Variants in DNHD1 observed in about 807,000 individuals in gnomAD.
DNHD1 encodes the protein dynein heavy chain domain-containing protein 1.
In DNHD1, 383 loss-of-function variants were observed where a neutral mutation model predicts 458.1. The ratio of observed to expected loss-of-function variants is 0.84; its 90% CI spans 0.77 to 0.91. DNHD1 has a LOEUF of 0.91. DNHD1 is among the 40% of genes least tolerant of loss of function. The probability of loss-of-function intolerance (pLI) is 0.00; values close to 1 mark genes in which losing one functional copy is unlikely to be tolerated. For missense variants in DNHD1, 5,336 were observed against 5,866.1 expected (o/e 0.91, Z 2.95); for synonymous variants, 2,203 against 2,376.9 (o/e 0.93, Z 2.13).
chr11:6,528,592 T>TCACA lies in DNHD1; in HGVS notation c.1908_1909insCACA (p.Val637HisfsTer42). 1.9e-6 allele frequency: 3 copies of TCACA among 1,551,758 alleles called. No homozygotes were observed. Among genetic ancestry groups the TCACA allele is most frequent in the Non-Finnish European group, 2.6e-6 (3 of 1,147,002 alleles). The stretch of plus-strand genomic sequence containing the variant: ...AGTTCCAGGGCCAGCCCAGCGATGC[T>TCACA]GTGAGCATCTTCTGTGGCCCGAATG... On this transcript the variant is annotated frameshift_variant, in exon 11 of 43. Coordinates refer to ENST00000254579, the MANE Select transcript of DNHD1 (RefSeq NM_144666.3). LOFTEE classifies it high-confidence loss of function.
In DNHD1 at chr11:6,566,248, T is replaced by C; in HGVS notation, c.11061T>C (p.Pro3687=). The C allele has an allele frequency of 1.3e-6, 2 of 1,551,580 alleles. No individual in the cohort carries two copies. The highest frequency in any genetic ancestry group is 1.7e-6 in the Non-Finnish European group (2 of 1,146,936). ...TTTGCCTCCCTCTCACAGGCCTGCC[T>C]GTGTTACTGACCAATGTGGAGCTGG... ...QLQEAAACGL[P]VLLTNVELGL... is the part of the protein sequence containing the mutation. The change falls in exon 34 of 43, where the codon CCT becomes CCC. Residue 3687 remains proline, a synonymous_variant. Transcript: ENST00000254579.
At position 6,557,885 on chromosome 11, in the gene DNHD1, C is replaced by A. The variant is rs780788231; in HGVS notation, c.8590C>A (p.Arg2864=). Reference sequence around the variant, plus strand: ...ACTGAAGTTGAGCCCCCACCTGGCCCGGTGTCATTCCATGGCCCAGCACGT... The same window carrying A: ...ACTGAAGTTGAGCCCCCACCTGGCCAGGTGTCATTCCATGGCCCAGCACGT... The part of the protein sequence containing the change: ...AQLKLSPHLA[R]CHSMAQHVAR... The change falls in exon 25 of 43, where the codon CGG becomes AGG. Residue 2864 remains arginine, a synonymous_variant. Coordinates refer to ENST00000254579, the MANE Select transcript of DNHD1 (RefSeq NM_144666.3). The A allele has an allele frequency of 8.4e-6, 13 of 1,550,924 alleles. No homozygotes were observed. Among genetic ancestry groups the A allele is most frequent in the Non-Finnish European group, 8.7e-6 (10 of 1,146,958 alleles).
At chr11:6,518,548 G>T (rs1392206207) in intron 7 of DNHD1, among the ~76,000 whole-genome samples, 1 of 152,086 alleles carries the variant, frequency 6.6e-6, no homozygotes, top group Non-Finnish European at 1.5e-5. Flanking sequence ...ATTTACTGTG[G>T]AACTACCCCA....
At position 6,546,890 on chromosome 11, in the gene DNHD1, G is replaced by A. The variant is rs780713406; in HGVS notation, c.5951G>A (p.Arg1984Gln). The A allele has an allele frequency of 1.7e-4, 258 of 1,551,608 alleles. No individual in the cohort carries two copies. The highest frequency in any genetic ancestry group is 2.4e-4 in the Admixed American group (12 of 50,988). The change falls in exon 21 of 43, where the codon CGG (arginine) becomes CAG (glutamine). Residue 1984 changes from arginine (R) to glutamine (Q), a missense_variant. Physicochemically the swap from Arg to Gln is conservative, Grantham distance 43 (BLOSUM62 1). Transcript: ENST00000254579. ...GAACAGTTGAGCCAGGCCCTGAGCC[G>A]GGCCTCAGGCATTCTGCTCCTGGGC... ...SLEQLSQALS[R>Q]ASGILLLGPA...
chr11:6,544,116 C>G lies in DNHD1; in HGVS notation c.3629-5C>G. The G allele has an allele frequency of 6.4e-7, 1 of 1,551,468 alleles. No homozygotes were observed. ...TGACTGCCAGTTCAGCTTTTTCTGT[C>G]TTAGATTACAGCAACCTGCAGGATT... On this transcript the variant is annotated splice_region_variant and splice_polypyrimidine_tract_variant and intron_variant, in intron 18 of 42. Transcript: ENST00000254579.
chr11:6,519,988 C>G lies in DNHD1; in HGVS notation c.1671C>G (p.Leu557=), dbSNP rs1008185209. Residue 557 remains leucine, a synonymous_variant, in exon 9 of 43, where the codon CTC becomes CTG. Transcript: ENST00000254579. Reference sequence around the variant, plus strand: ...AGGCCCCAAGGCAGAAACCCTTTCTCTCATCACAGCTGGTCTTTGATGATC... The same window carrying G: ...AGGCCCCAAGGCAGAAACCCTTTCTGTCATCACAGCTGGTCTTTGATGATC... ...ILQAPRQKPF[L]SSQLVFDDHG... is the part of the protein sequence containing the mutation. 5.6e-6 allele frequency: 9 copies of G among 1,614,064 alleles called. No homozygotes were observed. The highest frequency in any genetic ancestry group is 4.0e-5 in the African/African-American group (3 of 74,910).
rs781391351 is a variant in DNHD1 at position 6,557,778 on chromosome 11, G to A, written c.8483G>A (p.Gly2828Glu). 2 of 1,551,556 alleles carry A rather than the reference G, an allele frequency of 1.3e-6. No homozygotes were observed. Among genetic ancestry groups the A allele is most frequent in the East Asian group, 2.4e-5 (1 of 40,906 alleles). ...GTCTTCAGTCAGGAGCTGATACTGG[G>A]GCCTAACTCTGAGACCCCCAACTTG... ...DLVFSQELIL[G>E]PNSETPNLYL... The change falls in exon 25 of 43, where the codon GGG becomes GAG. Residue 2828 changes from glycine (G) to glutamate (E), a missense_variant. Transcript: ENST00000254579.
rs1354459273 is a variant in DNHD1, at chr11:6,502,817, C to T, written c.811C>T (p.Pro271Ser). The change falls in exon 4 of 43, where the codon CCT (proline) becomes TCT (serine). Residue 271 changes from proline to serine, a missense_variant. Coordinates refer to ENST00000254579, the MANE Select transcript of DNHD1 (RefSeq NM_144666.3). ...CCAAAAGAGCAGCACCGGCTTTTCA[C>T]CTGAGACTTCCTTCCTGGATAGCCA... ...AFQKSSTGFS[P>S]ETSFLDSQVM... 6.2e-7 allele frequency: 1 copy of T among 1,613,028 alleles called. No individual in the cohort carries two copies. The highest frequency in any genetic ancestry group is 1.1e-5 in the South Asian group (1 of 90,794).
chr11:6,527,817 C>T (rs763190280), intron 10 of DNHD1, among the ~76,000 whole-genome samples: 19 of 152,208 alleles, frequency 1.2e-4, no homozygotes, highest in African/African-American at 2.2e-4. Context: ...TTATTTTGTG[C>T]GAAGTTTTAA....
chr11:6,563,787 T>G lies in DNHD1; in HGVS notation c.9947T>G (p.Leu3316Arg). Reference sequence around the variant, plus strand: ...GCTCCAGGTATGGACGATGCAGCCCTGCGGGCAGTGAGCCGACCTGCAGCC... The same window carrying G: ...GCTCCAGGTATGGACGATGCAGCCCGGCGGGCAGTGAGCCGACCTGCAGCC... ...LKAPGMDDAA[L>R]RAVSRPAASL... Residue 3316 changes from leucine (L) to arginine (R), a missense_variant, in exon 31 of 43, where the codon CTG becomes CGG. This residue lies in a region of DNHD1 where 3,932 missense variants were observed against 4,365.6 expected (regional missense o/e 0.90). Transcript: ENST00000254579. The G allele has an allele frequency of 6.4e-7, 1 of 1,551,682 alleles. No homozygotes were observed. The highest frequency in any genetic ancestry group is 8.7e-7 in the Non-Finnish European group (1 of 1,147,000).
chr11:6,498,320 C>G lies in DNHD1; in HGVS notation c.105C>G (p.Pro35=). 1.2e-6 allele frequency: 2 copies of G among 1,614,236 alleles called. No individual in the cohort carries two copies. The highest frequency in any genetic ancestry group is 1.7e-6 in the Non-Finnish European group (2 of 1,180,044). Residue 35 remains proline, a synonymous_variant, in exon 3 of 43, where the codon CCC becomes CCG. Transcript: ENST00000254579. ...SICVLDSKEQ[P]LACQQKQRQF... ...GTGTCTTGGACAGCAAAGAACAGCC[C>G]TTGGCCTGCCAGCAGAAACAGAGGC...
At chr11:6,570,520 G>A in intron 41 of DNHD1, 98 bp from the exon 42 acceptor site, 1 of 1,480,858 alleles carries the variant, frequency 6.8e-7, no homozygotes, top group Non-Finnish European at 9.0e-7. Context: ...TACTGTTATG[G>A]GGGTGATGGC....
Position 6,538,445 on chromosome 11 carries a change from A to G in DNHD1, c.3061A>G (p.Ile1021Val), listed in dbSNP as rs1414753632. 1.3e-6 allele frequency: 2 copies of G among 1,551,686 alleles called. No homozygotes were observed. The highest frequency in any genetic ancestry group is 1.7e-6 in the Non-Finnish European group (2 of 1,147,024). Residue 1021 changes from isoleucine to valine, a missense_variant, in exon 15 of 43, where the codon ATA becomes GTA. Ile to Val is a conservative substitution (Grantham distance 29, BLOSUM62 3). Around this residue, in one of 4 missense-constraint regions of DNHD1, gnomAD observed 3,932 missense variants for 4,365.6 expected, o/e 0.90. Transcript: ENST00000254579. ...GTRPIVQQQR[I>V]WHLYRVISEN... ...ACGTCCTATTGTGCAGCAGCAGCGCATATGGCACCTGTACCGAGTCATCTC... is the reference window on the plus strand; with the variant it reads ...ACGTCCTATTGTGCAGCAGCAGCGCGTATGGCACCTGTACCGAGTCATCTC...
At chr11:6,549,573 T>C (rs1258664130) in intron 24 of DNHD1, among the ~76,000 whole-genome samples, 1 of 152,242 alleles carries the variant, frequency 6.6e-6, no homozygotes, top group Non-Finnish European at 1.5e-5. Flanking sequence ...GCCTTCTCTA[T>C]GTGGCTAAAT....
intron 24 of DNHD1, among the ~76,000 whole-genome samples, chr11:6,555,381 TC>T (rs1385492936): frequency 3.3e-5 from 5 of 152,242 alleles, no homozygotes; most frequent in Non-Finnish European, 7.3e-5. Context: ...ATTGAATTTG[TC>T]CTTCTATCTA....
chr11:6,565,992 G>A lies in DNHD1; in HGVS notation c.11053+1G>A. ...CAGCTCCAGGAGGCAGCTGCTTGTG[G>A]TGAGAGCTGGTCCCCACCCACCCTG... On this transcript the variant is annotated splice_donor_variant, in intron 33 of 42. Transcript: ENST00000254579. LOFTEE classifies it high-confidence loss of function. 1.3e-6 allele frequency: 2 copies of A among 1,551,526 alleles called. No individual in the cohort carries two copies. Among genetic ancestry groups the A allele is most frequent in the Non-Finnish European group, 1.7e-6 (2 of 1,146,950 alleles).
intron 10 of DNHD1, among the ~76,000 whole-genome samples, chr11:6,527,264 A>G (rs1283168670): frequency 6.6e-6 from 1 of 152,198 alleles, no homozygotes; most frequent in Non-Finnish European, 1.5e-5. Flanking sequence ...GGGCCAATGC[A>G]GGTAGAAAAG....
In DNHD1 at chr11:6,557,039, C is replaced by T. The variant is rs866516803; in HGVS notation, c.7744C>T (p.Pro2582Ser). The T allele has an allele frequency of 3.2e-6, 5 of 1,551,460 alleles. No homozygotes were observed. The highest frequency in any genetic ancestry group is 2.7e-5 in the African/African-American group (2 of 72,988). ...EAVCNCFMPS[P>S]LHPHYHFSLH... The stretch of plus-strand genomic sequence containing the variant: ...TGTGTGCAATTGCTTCATGCCTTCA[C>T]CCCTCCACCCACACTACCACTTCTC... The change falls in exon 25 of 43, where the codon CCC becomes TCC. Residue 2582 changes from proline to serine, a missense_variant. Around this residue, in one of 4 missense-constraint regions of DNHD1, gnomAD observed 3,932 missense variants for 4,365.6 expected, o/e 0.90. Coordinates refer to ENST00000254579, the MANE Select transcript of DNHD1 (RefSeq NM_144666.3).
intron 24 of DNHD1, among the ~76,000 whole-genome samples, chr11:6,552,447 C>A (rs1853376142): frequency 6.6e-6 from 1 of 151,994 alleles, no homozygotes; most frequent in African/African-American, 2.4e-5. Context: ...TCGCTTGAAC[C>A]TGGGAGGCAG....
Sources: allele counts gnomAD v4.1 joint callset (sites outside exome capture counted in the v4.1 genomes callset), GRCh38; gene constraint gnomAD v4.1.1; regional missense constraint gnomAD v4.1.1; transcripts MANE v1.5; gene names NCBI Gene and HGNC (gene_info 2026-07-23, HGNC 2026-07-21).